Variants in SYNE1 observed in about 807,000 individuals in gnomAD.
SYNE1 encodes spectrin repeat containing nuclear envelope protein 1.
Under a neutral mutation model 1,111.0 loss-of-function variants are expected in SYNE1, and 616 were observed. That is an observed-to-expected ratio of 0.55 (90% CI 0.52 to 0.59). The LOEUF (loss-of-function observed/expected upper bound fraction) is 0.59. Among genes scored for constraint, SYNE1 ranks in the 20% least tolerant of loss-of-function variants. The pLI is 0.00. For synonymous variants in SYNE1, 3,855 were observed against 3,825.8 expected (o/e 1.01, Z -0.28); for missense variants, 10,006 against 10,417.0 (o/e 0.96, Z 1.72).
chr6:152,264,623 C>A (rs1332096193), intron 100 of SYNE1, among the ~76,000 whole-genome samples: 1 of 151,624 alleles, frequency 6.6e-6, no homozygotes, highest in East Asian at 2.0e-4. Context: ...ATAGCCAGAC[C>A]CTGTCTCTAC....
At chr6:152,549,057 G>A (rs986147731) in intron 3 of SYNE1, among the ~76,000 whole-genome samples, 4 of 152,162 alleles carry the variant, frequency 2.6e-5, no homozygotes, top group African/African-American at 9.7e-5. Context: ...CACCAGGCAC[G>A]TGAATGAGGT....
chr6:152,599,210 G>A (rs1487821389), intron 3 of SYNE1, among the ~76,000 whole-genome samples: 1 of 152,174 alleles, frequency 6.6e-6, no homozygotes, highest in Non-Finnish European at 1.5e-5. Context: ...AAATGGACAA[G>A]CCACTGGCTA....
intron 11 of SYNE1, 24 bp from the exon 12 acceptor site, chr6:152,488,527 TTTTA>T: frequency 8.1e-7 from 1 of 1,241,982 alleles, no homozygotes; most frequent in Non-Finnish European, 1.2e-6. Context: ...GACATTACAA[TTTTA>T]TTAGTATCTG....
intron 23 of SYNE1, 144 bp downstream of exon 23, chr6:152,455,742 T>C: frequency 7.2e-7 from 1 of 1,393,428 alleles, no homozygotes; most frequent in Non-Finnish European, 1.0e-6. Context: ...TAATTAATAT[T>C]AGGTAAAAAA....
At chr6:152,251,300 C>G (rs2089167481) in intron 104 of SYNE1, among the ~76,000 whole-genome samples, 1 of 151,932 alleles carries the variant, frequency 6.6e-6, no homozygotes, top group Admixed American at 6.6e-5. Flanking sequence ...ATGTTCTACT[C>G]AAGGTGGTAG....
At chr6:152,531,510 A>G (rs1436385150) in intron 4 of SYNE1, among the ~76,000 whole-genome samples, 1 of 152,234 alleles carries the variant, frequency 6.6e-6, no homozygotes, top group Non-Finnish European at 1.5e-5. Context: ...GCTAAAATAC[A>G]CATAATATAA....
chr6:152,331,836 C>T lies in SYNE1; in HGVS notation c.12849G>A (p.Leu4283=). ...VHLEALKKLA[L]ALQERKYAIE... is the part of the protein sequence containing the mutation. ...TAGCATACTTTCTCTCCTGCAATGCCAATGCTAACTTTTTCAAAGCTTCCA... is the reference window on the plus strand; with the variant it reads ...TAGCATACTTTCTCTCCTGCAATGCTAATGCTAACTTTTTCAAAGCTTCCA... The change falls in exon 78 of 146, where the codon TTG becomes TTA. Residue 4283 remains leucine (L), a synonymous_variant. Transcript: ENST00000367255. 1 of 1,613,946 alleles carries T rather than the reference C, an allele frequency of 6.2e-7. No homozygotes were observed.
chr6:152,149,333 C>T lies in SYNE1; in HGVS notation c.24642+144G>A, dbSNP rs144270564. On this transcript the variant is annotated intron_variant, in intron 136 of 145. Coordinates refer to ENST00000367255, the MANE Select transcript of SYNE1 (RefSeq NM_182961.4). The stretch of plus-strand genomic sequence containing the variant: ...GTGAGTAGCTTGCCGAAGGTGACAG[C>T]GACAATGTAGGACAAAGCTAGGACT... The T allele has an allele frequency of 2.1e-4, 200 of 950,362 alleles. 1 individual carries two copies. The African/African-American group carries it at 2.8e-3, about 13-fold the overall frequency. 58.9% of individuals were successfully genotyped at this position (950,362 alleles called of 1,614,324 possible).
intron 119 of SYNE1, among the ~76,000 whole-genome samples, chr6:152,219,682 A>G (rs1327800925): frequency 6.6e-6 from 1 of 152,184 alleles, no homozygotes; most frequent in African/African-American, 2.4e-5. Context: ...TGGTCACATT[A>G]TTGCAAGTAC....
chr6:152,383,343 T>C (rs1002268432), intron 55 of SYNE1, among the ~76,000 whole-genome samples: 5 of 152,260 alleles, frequency 3.3e-5, no homozygotes, highest in Non-Finnish European at 7.3e-5. Flanking sequence ...AGTCCATTTC[T>C]GCTATCTCCT....
chr6:152,151,649 G>C lies in SYNE1; in HGVS notation c.24354C>G (p.Asp8118Glu), dbSNP rs149940427. ...GQREEFETARDSILVWLTEMD... is the reference protein window; with the variant it reads ...GQREEFETARESILVWLTEMD... ...TCTCTGTGAGCCAGACCAGAATGCT[G>C]TCCCGCGCAGTCTCAAACTCCTCAC... Residue 8118 changes from aspartate to glutamate, a missense_variant, in exon 135 of 146, where the codon GAC (aspartate) becomes GAG (glutamate). Transcript: ENST00000367255. 4.3e-6 allele frequency: 7 copies of C among 1,614,108 alleles called. No individual in the cohort carries two copies. The highest frequency in any genetic ancestry group is 4.0e-5 in the African/African-American group (3 of 75,022).
Position 152,362,448 on chromosome 6 carries a change from G to A in SYNE1, c.10146-125C>T. On this transcript the variant is annotated intron_variant, in intron 63 of 145. Transcript: ENST00000367255. ...AAGAGATCAGGAAGAAGCTTGCTTG[G>A]GAGTGAGCAGGCTGCCCAGGGCTTA... 7 of 1,297,036 alleles carry A rather than the reference G, an allele frequency of 5.4e-6. No individual in the cohort carries two copies. In the South Asian group the frequency reaches 7.5e-5, roughly 14 times the overall value. The allele number at this position is 1,297,036 out of a possible 1,614,324, so 80.3% of individuals were successfully genotyped here.
chr6:152,608,645 T>G (rs1379286906), intron 3 of SYNE1, among the ~76,000 whole-genome samples: 1 of 152,108 alleles, frequency 6.6e-6, no homozygotes, highest in East Asian at 1.9e-4. Context: ...CTTTAAAAAT[T>G]GGAGTTAGGG....
chr6:152,353,808 A>AT (rs2096784758), intron 67 of SYNE1, 64 bp from the exon 68 acceptor site: 1 of 1,594,126 alleles, frequency 6.3e-7, no homozygotes, highest in Non-Finnish European at 8.6e-7. Flanking sequence ...CCAAATGTAT[A>AT]TCTTCTTATA....
chr6:152,136,842 C>T, intron 140 of SYNE1, 24 bp from the exon 141 acceptor site: 1 of 1,606,950 alleles, frequency 6.2e-7, no homozygotes, highest in Non-Finnish European at 8.5e-7. Flanking sequence ...AAAAGACAAT[C>T]AAACAAGGAC....
chr6:152,133,831 C>T, intron 142 of SYNE1: 1 of 282,370 alleles, frequency 3.5e-6, no homozygotes, highest in South Asian at 4.3e-5. Context: ...AACAGAAAAG[C>T]ACAACATTAA....
chr6:152,354,911 A>T lies in SYNE1; in HGVS notation c.10674T>A (p.Asp3558Glu). 4 of 1,614,158 alleles carry T rather than the reference A, an allele frequency of 2.5e-6. No individual in the cohort carries two copies. The highest frequency in any genetic ancestry group is 3.4e-6 in the Non-Finnish European group (4 of 1,180,026). Residue 3558 changes from aspartate (D) to glutamate (E), a missense_variant, in exon 67 of 146, where the codon GAT becomes GAA. Asp to Glu is a conservative substitution (Grantham distance 45, BLOSUM62 2). Coordinates refer to ENST00000367255, the MANE Select transcript of SYNE1 (RefSeq NM_182961.4). Reference sequence around the variant, plus strand: ...CCTGTGGGATACCTGATGGGATCACATCCTCTCTGGTGTGCAGCACTGAGT... The same window carrying T: ...CCTGTGGGATACCTGATGGGATCACTTCCTCTCTGGTGTGCAGCACTGAGT... ...LLNSVLHTRE[D>E]VIPSGIPQAE... is the part of the protein sequence containing the mutation.
At chr6:152,350,067 C>A in intron 72 of SYNE1, 101 bp downstream of exon 72, 2 of 1,447,506 alleles carry the variant, frequency 1.4e-6, no homozygotes, top group Non-Finnish European at 9.7e-7. Context: ...CAGAGATGCA[C>A]CTGTGTGTGC....
chr6:152,138,433 C>T (rs1253696911), intron 140 of SYNE1, among the ~76,000 whole-genome samples: 1 of 151,792 alleles, frequency 6.6e-6, no homozygotes, highest in East Asian at 1.9e-4. Context: ...AACGCTTGAA[C>T]ACAGGAGACG....
Sources: allele counts gnomAD v4.1 joint callset (sites outside exome capture counted in the v4.1 genomes callset), GRCh38; gene constraint gnomAD v4.1.1; transcripts MANE v1.5; gene names NCBI Gene and HGNC (gene_info 2026-07-23, HGNC 2026-07-21).